Variants in HIVEP3 observed in about 807,000 individuals in gnomAD.
HIVEP3 encodes the protein HIVEP zinc finger 3.
HIVEP3 carries 49 observed loss-of-function variants against 152.8 expected under a neutral mutation model. The observed-to-expected ratio is 0.32, with a 90% CI of 0.26 to 0.41. The LOEUF is 0.41. Ranked by LOEUF, HIVEP3 falls within the 10% of genes least tolerant of loss-of-function variation. The pLI is 1.00. For missense variants in HIVEP3, 2,790 were observed against 3,103.3 expected (o/e 0.90, Z 2.40); for synonymous variants, 1,269 against 1,289.0 (o/e 0.98, Z 0.33).
chr1:41,859,468 T>C (rs1557455775), intron 1 of HIVEP3, among the ~76,000 whole-genome samples: 1 of 152,220 alleles, frequency 6.6e-6, no homozygotes, highest in Non-Finnish European at 1.5e-5. Context: ...GTACCTATTT[T>C]CCACTCCACA....
intron 1 of HIVEP3, among the ~76,000 whole-genome samples, chr1:42,024,499 A>G (rs1362841331): frequency 2.6e-5 from 4 of 152,176 alleles, no homozygotes; most frequent in Non-Finnish European, 4.4e-5. Context: ...GAAGATAGTC[A>G]TTATCTTTAC....
At chr1:41,737,254 A>G (rs1453954645) in intron 1 of HIVEP3, among the ~76,000 whole-genome samples, 1 of 152,166 alleles carries the variant, frequency 6.6e-6, no homozygotes, top group Non-Finnish European at 1.5e-5. Flanking sequence ...GATGAATAGT[A>G]CTACTGGCAG....
chr1:41,528,182 C>A (rs897037212), intron 5 of HIVEP3, among the ~76,000 whole-genome samples: 3 of 143,604 alleles, frequency 2.1e-5, no homozygotes, highest in African/African-American at 7.8e-5. Flanking sequence ...CACATCCCCA[C>A]CCTCACCTTC....
At chr1:42,033,829 T>C (rs556868819) in intron 1 of HIVEP3, among the ~76,000 whole-genome samples, 2 of 152,342 alleles carry the variant, frequency 1.3e-5, no homozygotes, top group African/African-American at 2.4e-5. Context: ...GATAGTCCAG[T>C]GGTTAAGAAC....
At chr1:41,657,963 T>G (rs1007090565) in intron 2 of HIVEP3, among the ~76,000 whole-genome samples, 8 of 152,138 alleles carry the variant, frequency 5.3e-5, no homozygotes, top group Non-Finnish European at 1.2e-4. Context: ...ACCAGGGCAC[T>G]TCTCCACATG....
At chr1:41,517,647 C>T (rs1019157806) in intron 7 of HIVEP3, among the ~76,000 whole-genome samples, 3 of 152,202 alleles carry the variant, frequency 2.0e-5, no homozygotes, top group African/African-American at 7.2e-5. Flanking sequence ...GAGATGGCTC[C>T]AGCCTCCTTC....
chr1:41,545,210 C>T (rs1177521544), intron 5 of HIVEP3, among the ~76,000 whole-genome samples: 6 of 130,792 alleles, frequency 4.6e-5, no homozygotes, highest in East Asian at 2.5e-4. Flanking sequence ...CCACCACTAT[C>T]GCCACCACCA....
intron 1 of HIVEP3, among the ~76,000 whole-genome samples, chr1:41,728,386 C>T (rs1646789012): frequency 6.6e-6 from 1 of 152,034 alleles, no homozygotes; most frequent in Non-Finnish European, 1.5e-5. Context: ...AGGACATGAG[C>T]AGGCTGTAAT....
intron 1 of HIVEP3, among the ~76,000 whole-genome samples, chr1:41,898,480 G>T (rs553505950): frequency 6.6e-6 from 1 of 152,306 alleles, no homozygotes; most frequent in Non-Finnish European, 1.5e-5. Flanking sequence ...TATCCACAGG[G>T]TTTCTGCCAT....
At chr1:41,907,966 T>A (rs940913532) in intron 1 of HIVEP3, among the ~76,000 whole-genome samples, 2 of 152,128 alleles carry the variant, frequency 1.3e-5, no homozygotes, top group African/African-American at 4.8e-5. Context: ...AAAAGAGAGC[T>A]GGTCTCCAGG....
At chr1:42,026,460 T>C (rs1645583037) in intron 1 of HIVEP3, among the ~76,000 whole-genome samples, 1 of 152,254 alleles carries the variant, frequency 6.6e-6, no homozygotes, top group Non-Finnish European at 1.5e-5. Context: ...TTAAAAAATA[T>C]ATCCAACATT....
intron 1 of HIVEP3, among the ~76,000 whole-genome samples, chr1:41,841,027 G>A (rs995631008): frequency 2.0e-5 from 3 of 152,132 alleles, no homozygotes; most frequent in Non-Finnish European, 4.4e-5. Flanking sequence ...GTAATAAAAT[G>A]CAGGAAGGAG....
intron 3 of HIVEP3, among the ~76,000 whole-genome samples, chr1:41,614,593 T>A (rs1644941392): frequency 6.6e-6 from 1 of 152,228 alleles, no homozygotes; most frequent in Admixed American, 6.5e-5. Context: ...CTTTTTGCAA[T>A]TTTAACTTGA....
intron 1 of HIVEP3, among the ~76,000 whole-genome samples, chr1:41,862,152 C>T (rs1347454279): frequency 2.0e-5 from 3 of 152,138 alleles, no homozygotes; most frequent in East Asian, 1.9e-4. Flanking sequence ...ACTGGAAGCA[C>T]GAGGCTACGG....
intron 1 of HIVEP3, among the ~76,000 whole-genome samples, chr1:41,850,123 G>C (rs2124381208): frequency 6.6e-6 from 1 of 152,294 alleles, no homozygotes; most frequent in East Asian, 1.9e-4. Context: ...CAGTAGGTCT[G>C]GGGTGGAGGC....
At chr1:41,655,442 G>T (rs1645613918) in intron 2 of HIVEP3, among the ~76,000 whole-genome samples, 1 of 151,980 alleles carries the variant, frequency 6.6e-6, no homozygotes, top group Non-Finnish European at 1.5e-5. Context: ...AATTAGCCAG[G>T]TGTGGTGGCG....
intron 1 of HIVEP3, among the ~76,000 whole-genome samples, chr1:41,810,359 A>G (rs1650880869): frequency 6.6e-6 from 1 of 152,228 alleles, no homozygotes; most frequent in Non-Finnish European, 1.5e-5. Flanking sequence ...CAAGCATCCT[A>G]GCATCAGGGC....
chr1:41,663,607 G>A (rs2124051895), intron 2 of HIVEP3, among the ~76,000 whole-genome samples: 1 of 152,274 alleles, frequency 6.6e-6, no homozygotes, highest in African/African-American at 2.4e-5. Context: ...TTCCTCCAAA[G>A]CCAGATCAGA....
intron 4 of HIVEP3, among the ~76,000 whole-genome samples, chr1:41,578,786 G>C (rs991186155): frequency 6.6e-6 from 1 of 152,220 alleles, no homozygotes. Flanking sequence ...CTGACCCTCA[G>C]TTCCCTAAGC....
Sources: allele counts gnomAD v4.1 joint callset (sites outside exome capture counted in the v4.1 genomes callset), GRCh38; gene constraint gnomAD v4.1.1; transcripts MANE v1.5; gene names NCBI Gene and HGNC (gene_info 2026-07-23, HGNC 2026-07-21).